BRI3: variants seen among roughly 807,000 people sequenced by gnomAD.
The protein encoded by BRI3 is brain protein I3, also known as membrane protein BRI3.
A neutral mutation model predicts 12.8 loss-of-function variants in BRI3; 6 were observed. That is an observed-to-expected ratio of 0.47 (90% CI 0.26 to 0.93). BRI3 has a LOEUF of 0.93. BRI3 is among the 40% of genes least tolerant of loss of function. The probability of loss-of-function intolerance (pLI) is 0.15; values close to 1 mark genes in which losing one functional copy is unlikely to be tolerated. For synonymous variants in BRI3, 91 were observed against 76.1 expected (o/e 1.20, Z -1.02); for missense variants, 134 against 171.1 (o/e 0.78, Z 1.21).
chr7:98,309,740 A>G (rs1800801135), exon 2 of BRI3: 1 of 151,980 alleles, frequency 6.6e-6, no homozygotes, highest in Non-Finnish European at 1.5e-5. Flanking sequence ...CCTGTGAGAC[A>G]CCCCACGTGG....
the BRI3 span, chr7:98,319,997 CT>C: frequency 7.3e-7 from 1 of 1,378,322 alleles, no homozygotes; most frequent in East Asian, 2.3e-5. Flanking sequence ...GGAACGAGTT[CT>C]CCCCAGGCTG....
At chr7:98,321,867 G>A in the BRI3 span, among the ~76,000 whole-genome samples, 1 of 152,186 alleles carries the variant, frequency 6.6e-6, no homozygotes, top group African/African-American at 2.4e-5. Context: ...GGAGGCTGAG[G>A]TGGGAGTATC....
Position 98,290,519 on chromosome 7 carries a change from G to C in BRI3, c.246-592G>C, listed in dbSNP as rs180804244. 2.1e-3 allele frequency among the ~76,000 whole-genome samples: 312 copies of C among 151,298 alleles called. 1 individual carries two copies. Among genetic ancestry groups the C allele is most frequent in the African/African-American group, 7.2e-3 (298 of 41,152 alleles). On this transcript the variant is annotated intron_variant, in intron 2 of 2. Coordinates refer to ENST00000297290, the MANE Select transcript of BRI3 (RefSeq NM_015379.5). ...CATCTCTCAAGGTTTTACTTTTTGA[G>C]ATGGAGTCTCGCTCTGTCGCCCAGC...
chr7:98,293,559 TCGGG>T (rs1323408485), downstream of BRI3: 6 of 1,613,768 alleles, frequency 3.7e-6, no homozygotes, highest in African/African-American at 1.3e-5. Context: ...TTCGTCACAG[TCGGG>T]CGGAGTTTCA....
exon 2 of BRI3, chr7:98,308,586 A>G (rs1406979815): frequency 3.2e-6 from 1 of 311,548 alleles, no homozygotes; most frequent in African/African-American, 2.2e-5. Flanking sequence ...CTCTCTACCC[A>G]TGAGCACGAG....
the BRI3 span, among the ~76,000 whole-genome samples, chr7:98,317,835 G>A: frequency 2.5e-4 from 36 of 143,696 alleles, no homozygotes; most frequent in African/African-American, 8.9e-4. Flanking sequence ...CTGTCACCCC[G>A]TAGTTCACAC....
chr7:98,306,115 C>CG (rs1190134598), upstream of BRI3, among the ~76,000 whole-genome samples: 1 of 152,036 alleles, frequency 6.6e-6, no homozygotes, highest in Non-Finnish European at 1.5e-5. Flanking sequence ...AAGATAAGAA[C>CG]GGTAAGATAA....
chr7:98,314,129 G>C (rs980483182), downstream of BRI3, among the ~76,000 whole-genome samples: 2 of 151,646 alleles, frequency 1.3e-5, no homozygotes, highest in Non-Finnish European at 2.9e-5. Flanking sequence ...GGGATTACAG[G>C]TGCTCACCAC....
chr7:98,315,623 A>ATATT, the BRI3 span: 1 of 1,207,740 alleles, frequency 8.3e-7, no homozygotes, highest in South Asian at 2.5e-5. Flanking sequence ...CTAAAAAAAA[A>ATATT]AAAATAATAA....
At chr7:98,320,049 T>C in the BRI3 span, 43 of 1,610,126 alleles carry the variant, frequency 2.7e-5, no homozygotes, top group Non-Finnish European at 3.5e-5. Flanking sequence ...AGGAAAACCA[T>C]GCACTTACGT....
the BRI3 span, among the ~76,000 whole-genome samples, chr7:98,319,545 T>G: frequency 2.1e-4 from 30 of 143,312 alleles, no homozygotes; most frequent in Non-Finnish European, 3.1e-4. Context: ...CTTTTTCCTA[T>G]GCCTTTTTTT....
exon 2 of BRI3, chr7:98,310,355 G>C: frequency 7.0e-7 from 1 of 1,421,032 alleles, no homozygotes; most frequent in South Asian, 1.3e-5. Flanking sequence ...TCCAAACCTT[G>C]CAATACATTT....
chr7:98,281,704 C>T lies in BRI3; in HGVS notation c.-92C>T, dbSNP rs1459131337. ...CTGCCTCAGAGGGGCCCGAGCCACC[C>T]GGTCCGCCGCGTCCCCGCCGCCGCC... is the stretch of plus-strand genomic sequence containing the variant. On this transcript the variant is annotated 5_prime_UTR_variant, in exon 1 of 3. Coordinates refer to ENST00000297290, the MANE Select transcript of BRI3 (RefSeq NM_015379.5). 3.4e-5 allele frequency: 21 copies of T among 620,322 alleles called. No individual in the cohort carries two copies. The highest frequency in any genetic ancestry group is 1.3e-4 in the South Asian group (2 of 14,842). 38.4% of individuals were successfully genotyped at this position (620,322 alleles called of 1,614,324 possible).
chr7:98,317,428 C>T, the BRI3 span: 1 of 1,579,476 alleles, frequency 6.3e-7, no homozygotes, highest in South Asian at 1.1e-5. Flanking sequence ...CCTTTACTCA[C>T]ACTTCCACTG....
Position 98,282,333 on chromosome 7 carries a change from C to G in BRI3, c.143-18C>G. Reference sequence around the variant, plus strand: ...TTTCTCCTCCCTGCACCCTAATGACCTGCTTTCCCGCCCACAGGGATACCC... The same window carrying G: ...TTTCTCCTCCCTGCACCCTAATGACGTGCTTTCCCGCCCACAGGGATACCC... On this transcript the variant is annotated intron_variant, in intron 1 of 2. Transcript: ENST00000297290. 5 of 1,602,388 alleles carry G rather than the reference C, an allele frequency of 3.1e-6. No individual in the cohort carries two copies. Among genetic ancestry groups the G allele is most frequent in the Non-Finnish European group, 4.3e-6 (5 of 1,169,482 alleles).
At chr7:98,320,393 A>G in the BRI3 span, 1 of 949,334 alleles carries the variant, frequency 1.1e-6, no homozygotes, top group Non-Finnish European at 1.6e-6. Context: ...TGGAGTGCAA[A>G]GGCACGATCT....
chr7:98,310,267 G>A (rs368993448), exon 2 of BRI3: 7 of 599,824 alleles, frequency 1.2e-5, no homozygotes, highest in Non-Finnish European at 2.0e-5. Flanking sequence ...GCGTCTCACA[G>A]TCTAGTCCTG....
chr7:98,306,635 G>T (rs955959958), exon 1 of BRI3: 3 of 1,433,788 alleles, frequency 2.1e-6, no homozygotes, highest in African/African-American at 2.8e-5. Flanking sequence ...ACGCCCATGT[G>T]TGGAGGAAAT....
At chr7:98,301,036 C>T (rs928255734) in intron 1 of BRI3, among the ~76,000 whole-genome samples, 1 of 152,166 alleles carries the variant, frequency 6.6e-6, no homozygotes, top group Non-Finnish European at 1.5e-5. Context: ...CTCTTTGTGT[C>T]CTGAGGGCTT....
Sources: gnomAD v4.1 joint callset for allele counts (sites outside exome capture counted in the v4.1 genomes callset) on GRCh38, gnomAD v4.1.1 for gene constraint, MANE v1.5 for transcripts, NCBI Gene and HGNC (gene_info 2026-07-23, HGNC 2026-07-21) for gene names.